FHIT: variants seen among roughly 807,000 people sequenced by gnomAD.
FHIT encodes the protein fragile histidine triad diadenosine triphosphatase, also known as bis(5'-adenosyl)-triphosphatase.
FHIT carries 19 observed loss-of-function variants against 17.9 expected under a neutral mutation model. The ratio of observed to expected loss-of-function variants is 1.06; its 90% CI spans 0.74 to 1.56. The LOEUF (loss-of-function observed/expected upper bound fraction) is 1.56, where lower values mean the gene tolerates loss of function less well. FHIT is among the 40% of genes most tolerant of loss of function. The probability of loss-of-function intolerance (pLI) is 0.00; values close to 1 mark genes in which losing one functional copy is unlikely to be tolerated. For synonymous variants in FHIT, 81 were observed against 69.7 expected, an observed-to-expected ratio of 1.16 and a Z score of -0.81; for missense variants, 248 against 189.2, an observed-to-expected ratio of 1.31 and a Z score of -1.82.
chr3:60,902,170 C>A (rs781932622), intron 3 of FHIT, among the ~76,000 whole-genome samples: 13 of 152,154 alleles, frequency 8.5e-5, no homozygotes, highest in Non-Finnish European at 1.3e-4. Context: ...CATAGTCAAT[C>A]TTTACCCTAA....
intron 5 of FHIT, among the ~76,000 whole-genome samples, chr3:60,211,789 C>T (rs1402333670): frequency 6.6e-6 from 1 of 152,118 alleles, no homozygotes; most frequent in Non-Finnish European, 1.5e-5. Flanking sequence ...GGCATTCTGA[C>T]TGGGGAAAAC....
chr3:60,963,313 T>C (rs1553781782), intron 3 of FHIT, among the ~76,000 whole-genome samples: 7 of 152,242 alleles, frequency 4.6e-5, no homozygotes. Flanking sequence ...ATTTGATTCT[T>C]CTCTCTTTTC....
At chr3:60,164,568 G>T (rs1701078166) in intron 5 of FHIT, among the ~76,000 whole-genome samples, 1 of 151,984 alleles carries the variant, frequency 6.6e-6, no homozygotes, top group Non-Finnish European at 1.5e-5. Context: ...ACGCAGTCAG[G>T]GGGAGATGCT....
At chr3:60,590,488 G>C (rs2038050678) in intron 4 of FHIT, among the ~76,000 whole-genome samples, 1 of 152,056 alleles carries the variant, frequency 6.6e-6, no homozygotes, top group South Asian at 2.1e-4. Flanking sequence ...ATGCACTTAG[G>C]AGGAAACAGG....
At chr3:60,156,528 C>T (rs1700701921) in intron 5 of FHIT, among the ~76,000 whole-genome samples, 1 of 152,022 alleles carries the variant, frequency 6.6e-6, no homozygotes, top group African/African-American at 2.4e-5. Context: ...GCGGAAGAAT[C>T]ACTAGAGCCC....
At chr3:60,195,920 G>A (rs1050861200) in intron 5 of FHIT, among the ~76,000 whole-genome samples, 2 of 151,902 alleles carry the variant, frequency 1.3e-5, no homozygotes, top group African/African-American at 4.8e-5. Flanking sequence ...ACTACATATT[G>A]GGTACCATGT....
intron 5 of FHIT, among the ~76,000 whole-genome samples, chr3:60,150,352 G>T (rs1222327397): frequency 6.6e-6 from 1 of 152,022 alleles, no homozygotes; most frequent in Non-Finnish European, 1.5e-5. Context: ...TTCTCCTTGG[G>T]TATAAAATAT....
At chr3:61,213,425 G>T (rs1032688435) in intron 1 of FHIT, among the ~76,000 whole-genome samples, 3 of 152,186 alleles carry the variant, frequency 2.0e-5, no homozygotes, top group Non-Finnish European at 4.4e-5. Context: ...TTACGTAATG[G>T]TAAAGGGATC....
chr3:59,981,002 C>T (rs888968634), intron 7 of FHIT, among the ~76,000 whole-genome samples: 2 of 151,976 alleles, frequency 1.3e-5, no homozygotes, highest in African/African-American at 4.8e-5. Flanking sequence ...AGTTATGTTA[C>T]CCAAAAGTAT....
intron 5 of FHIT, among the ~76,000 whole-genome samples, chr3:60,445,910 A>C (rs760574596): frequency 1.3e-5 from 2 of 152,184 alleles, no homozygotes; most frequent in Non-Finnish European, 2.9e-5. Context: ...TGATTAAATA[A>C]AAATCATTCA....
intron 2 of FHIT, among the ~76,000 whole-genome samples, chr3:61,134,131 A>ACACACAC (rs1396881564): frequency 2.0e-5 from 3 of 151,386 alleles, no homozygotes; most frequent in African/African-American, 2.4e-5. Flanking sequence ...ACACACACAC[A>ACACACAC]AAGAGGTCAA....
chr3:60,088,473 C>T (rs1279638264), intron 5 of FHIT, among the ~76,000 whole-genome samples: 2 of 152,194 alleles, frequency 1.3e-5, no homozygotes, highest in Non-Finnish European at 2.9e-5. Flanking sequence ...GCATAAAGTG[C>T]TATTCCCTAT....
At chr3:61,090,569 G>A (rs915702770) in intron 2 of FHIT, among the ~76,000 whole-genome samples, 5 of 152,146 alleles carry the variant, frequency 3.3e-5, no homozygotes, top group Non-Finnish European at 7.3e-5. Context: ...AATTCCAAAT[G>A]CCATGGGCCT....
chr3:59,967,044 G>A (rs1575782836), intron 7 of FHIT, among the ~76,000 whole-genome samples: 1 of 149,984 alleles, frequency 6.7e-6, no homozygotes, highest in Non-Finnish European at 1.5e-5. Flanking sequence ...TTACACTTTT[G>A]TGTTAAAAAC....
At chr3:59,964,133 C>G (rs964938353) in intron 7 of FHIT, among the ~76,000 whole-genome samples, 1 of 152,118 alleles carries the variant, frequency 6.6e-6, no homozygotes, top group African/African-American at 2.4e-5. Context: ...TGGTTTTTAT[C>G]TTTAATAACT....
At chr3:60,920,473 T>C (rs1280738924) in intron 3 of FHIT, among the ~76,000 whole-genome samples, 3 of 152,088 alleles carry the variant, frequency 2.0e-5, no homozygotes, top group Non-Finnish European at 4.4e-5. Flanking sequence ...GGTGGGGTTA[T>C]AGTGGTGGTG....
intron 2 of FHIT, among the ~76,000 whole-genome samples, chr3:61,190,347 C>A (rs1576180898): frequency 1.3e-5 from 2 of 152,152 alleles, no homozygotes; most frequent in East Asian, 3.9e-4. Flanking sequence ...TCATCACTGG[C>A]CATCAGAGAC....
At chr3:60,643,166 T>C (rs2039768268) in intron 4 of FHIT, among the ~76,000 whole-genome samples, 1 of 152,136 alleles carries the variant, frequency 6.6e-6, no homozygotes, top group Non-Finnish European at 1.5e-5. Flanking sequence ...CAAGATAAAG[T>C]GACAACAGTT....
intron 5 of FHIT, among the ~76,000 whole-genome samples, chr3:60,258,664 A>G (rs567950111): frequency 6.6e-6 from 1 of 152,186 alleles, no homozygotes; most frequent in Non-Finnish European, 1.5e-5. Context: ...AAAAGCATAT[A>G]AATCTATTGA....
Sources: gnomAD v4.1 joint callset for allele counts (sites outside exome capture counted in the v4.1 genomes callset) on GRCh38, gnomAD v4.1.1 for gene constraint, MANE v1.5 for transcripts, NCBI Gene and HGNC (gene_info 2026-07-23, HGNC 2026-07-21) for gene names.